The following GALNT13 variants were observed in gnomAD, a reference collection of about 807,000 sequenced individuals.
The protein encoded by GALNT13 is UDP-GalNAc:polypeptide N-acetylgalactosaminyltransferase 13.
A neutral mutation model predicts 64.2 loss-of-function variants in GALNT13; 28 were observed. That is an observed-to-expected ratio of 0.44 (90% CI 0.32 to 0.60). The LOEUF (loss-of-function observed/expected upper bound fraction) is 0.60. GALNT13 is among the 20% of genes least tolerant of loss of function. The pLI is 0.05. For synonymous variants in GALNT13, 214 were observed against 224.6 expected (o/e 0.95, Z 0.42); for missense variants, 577 against 669.8 (o/e 0.86, Z 1.53).
the GALNT13 span, among the ~76,000 whole-genome samples, chr2:153,175,800 C>T: frequency 2.0e-5 from 3 of 152,006 alleles, no homozygotes; most frequent in Non-Finnish European, 4.4e-5. Context: ...AGGAAAGTGC[C>T]CTGCCAGGTG....
chr2:153,463,019 G>C, the GALNT13 span, among the ~76,000 whole-genome samples: 1 of 151,910 alleles, frequency 6.6e-6, no homozygotes, highest in Non-Finnish European at 1.5e-5. Context: ...CTCTTATCCC[G>C]AGGAAAGACA....
the GALNT13 span, among the ~76,000 whole-genome samples, chr2:153,345,697 T>TTC: frequency 8.6e-6 from 1 of 116,400 alleles, no homozygotes; most frequent in Non-Finnish European, 1.9e-5. Context: ...CTTTCTTTCT[T>TTC]TCTTTCTCTT....
chr2:153,580,346 C>CA, the GALNT13 span, among the ~76,000 whole-genome samples: 5,180 of 142,290 alleles, frequency 0.036, 119 homozygotes, highest in Middle Eastern at 0.083. Context: ...TCCATTTGAC[C>CA]AAAAAAAAAA....
the GALNT13 span, among the ~76,000 whole-genome samples, chr2:153,801,905 A>G: frequency 5.5e-3 from 836 of 152,094 alleles, 7 homozygotes; most frequent in African/African-American, 0.019. Context: ...TGATTTTATT[A>G]TTTTGTGTCT....
At chr2:153,759,701 T>C in the GALNT13 span, among the ~76,000 whole-genome samples, 1 of 152,158 alleles carries the variant, frequency 6.6e-6, no homozygotes, top group Non-Finnish European at 1.5e-5. Flanking sequence ...TAATACACTG[T>C]TGATTAGATA....
intron 9 of GALNT13, among the ~76,000 whole-genome samples, chr2:154,324,681 G>C (rs912361654): frequency 6.6e-6 from 1 of 152,080 alleles, no homozygotes; most frequent in Admixed American, 6.6e-5. Context: ...GAGAACCAGT[G>C]AGCCAGTCTT....
intron 3 of GALNT13, among the ~76,000 whole-genome samples, chr2:154,135,746 T>G (rs977902448): frequency 1.3e-5 from 2 of 152,136 alleles, no homozygotes; most frequent in African/African-American, 4.8e-5. Context: ...GAGGATCCCT[T>G]GAGCCCAGAA....
At chr2:153,558,747 C>T in the GALNT13 span, among the ~76,000 whole-genome samples, 2 of 152,148 alleles carry the variant, frequency 1.3e-5, no homozygotes, top group Non-Finnish European at 2.9e-5. Flanking sequence ...TTATTGGTTG[C>T]ATGTTTCTCT....
At chr2:153,400,692 G>C in the GALNT13 span, among the ~76,000 whole-genome samples, 1 of 152,198 alleles carries the variant, frequency 6.6e-6, no homozygotes, top group Non-Finnish European at 1.5e-5. Flanking sequence ...ATTTCTTCTA[G>C]ATTTTGTAGT....
chr2:153,887,022 C>A (rs1178758815), intron 1 of GALNT13, among the ~76,000 whole-genome samples: 2 of 151,946 alleles, frequency 1.3e-5, no homozygotes, highest in Non-Finnish European at 2.9e-5. Flanking sequence ...ACATAGCCTG[C>A]ATGGAACTTA....
chr2:154,160,400 G>A (rs1441983778), intron 4 of GALNT13, among the ~76,000 whole-genome samples: 2 of 152,096 alleles, frequency 1.3e-5, no homozygotes, highest in Admixed American at 6.6e-5. Flanking sequence ...CAGCCCTATA[G>A]AGGAGAGACT....
chr2:153,680,538 A>T, the GALNT13 span, among the ~76,000 whole-genome samples: 1 of 151,938 alleles, frequency 6.6e-6, no homozygotes, highest in African/African-American at 2.4e-5. Context: ...CCCTCCCCTC[A>T]TAAACTTGCA....
chr2:153,681,110 C>G, the GALNT13 span, among the ~76,000 whole-genome samples: 4 of 151,832 alleles, frequency 2.6e-5, no homozygotes, highest in African/African-American at 9.7e-5. Context: ...CTCCATTAAG[C>G]TAGAAAGGAT....
chr2:153,525,396 A>C, the GALNT13 span, among the ~76,000 whole-genome samples: 1 of 152,122 alleles, frequency 6.6e-6, no homozygotes, highest in Non-Finnish European at 1.5e-5. Flanking sequence ...TTTGTTTTGC[A>C]CCGTAAGCAC....
At chr2:153,457,441 C>T in the GALNT13 span, among the ~76,000 whole-genome samples, 2 of 152,074 alleles carry the variant, frequency 1.3e-5, no homozygotes, top group Non-Finnish European at 1.5e-5. Context: ...ATTATATGAT[C>T]AATATATAAG....
chr2:154,359,422 A>G (rs1696936212), intron 9 of GALNT13, among the ~76,000 whole-genome samples: 1 of 152,128 alleles, frequency 6.6e-6, no homozygotes, highest in Admixed American at 6.6e-5. Context: ...ATCATAATCC[A>G]GTAGGGAGAA....
chr2:154,123,383 G>A (rs1295407454), intron 3 of GALNT13, among the ~76,000 whole-genome samples: 3 of 151,840 alleles, frequency 2.0e-5, no homozygotes, highest in Admixed American at 6.6e-5. Flanking sequence ...GTTCAGTCTA[G>A]GGTGACCCTC....
At chr2:153,957,498 C>T (rs1482666240) in intron 3 of GALNT13, among the ~76,000 whole-genome samples, 1 of 152,148 alleles carries the variant, frequency 6.6e-6, no homozygotes, top group African/African-American at 2.4e-5. Context: ...TTTGTGGGGG[C>T]TAGTAGAAGA....
intron 2 of GALNT13, among the ~76,000 whole-genome samples, chr2:153,921,343 A>C (rs969256869): frequency 6.6e-6 from 1 of 152,144 alleles, no homozygotes; most frequent in Admixed American, 6.6e-5. Context: ...GGATACTACT[A>C]TAGTAAGTAA....
Sources: gnomAD v4.1 joint callset for allele counts (sites outside exome capture counted in the v4.1 genomes callset) on GRCh38, gnomAD v4.1.1 for gene constraint, MANE v1.5 for transcripts, NCBI Gene and HGNC (gene_info 2026-07-23, HGNC 2026-07-21) for gene names.